Variants in ERCC6 observed in about 807,000 individuals in gnomAD.
ERCC6 encodes DNA excision repair protein ERCC-6.
In ERCC6, 116 loss-of-function variants were observed where a neutral mutation model predicts 158.7. That is an observed-to-expected ratio of 0.73 (90% confidence interval 0.63 to 0.85). ERCC6 has a LOEUF of 0.85. Among genes scored for constraint, ERCC6 ranks in the 40% least tolerant of loss-of-function variants. The probability of loss-of-function intolerance (pLI) is 0.00; values close to 1 mark genes in which losing one functional copy is unlikely to be tolerated. For synonymous variants in ERCC6, 678 were observed against 659.3 expected (o/e 1.03, Z -0.43); for missense variants, 1,698 against 1,799.4 (o/e 0.94, Z 1.02).
In ERCC6 at chr10:49,478,478, A is replaced by T. The variant is rs1850917640; in HGVS notation, c.2170-8T>A. The T allele has an allele frequency of 6.7e-7, 1 of 1,498,316 alleles. No homozygotes were observed. Among genetic ancestry groups the T allele is most frequent in the Non-Finnish European group, 9.3e-7 (1 of 1,075,876 alleles). The allele number at this position is 1,498,316 out of a possible 1,614,324, so 92.8% of individuals were successfully genotyped here. On this transcript the variant is annotated splice_region_variant and splice_polypyrimidine_tract_variant and intron_variant, in intron 10 of 20. Transcript: ENST00000355832. ...CTTGTAAGCAGTTTTGACCTTTAAT[A>T]AGAGCAGAGAAGGGAACATTACTAT...
the ERCC6 span, among the ~76,000 whole-genome samples, chr10:49,440,439 G>A: frequency 6.6e-6 from 1 of 152,276 alleles, no homozygotes; most frequent in South Asian, 2.1e-4. Flanking sequence ...ACAACACATG[G>A]AAATTCTGGG....
At chr10:49,480,911 A>G (rs923315380) in intron 10 of ERCC6, among the ~76,000 whole-genome samples, 1 of 152,246 alleles carries the variant, frequency 6.6e-6, no homozygotes, top group African/African-American at 2.4e-5. Context: ...AGGGCAAAGA[A>G]ACAGTCCCAG....
chr10:49,468,580 C>T (rs952387923), intron 18 of ERCC6, among the ~76,000 whole-genome samples: 3 of 152,210 alleles, frequency 2.0e-5, no homozygotes, highest in Non-Finnish European at 4.4e-5. Context: ...GACATAGAGA[C>T]AGGTGTATCT....
chr10:49,532,443 AC>A, intron 2 of ERCC6, 99 bp downstream of exon 2: 1 of 1,567,232 alleles, frequency 6.4e-7, no homozygotes, highest in East Asian at 2.3e-5. Context: ...AAGGTTCTAC[AC>A]ATCTCCTAAA....
At chr10:49,530,594 T>C in intron 3 of ERCC6, 126 bp downstream of exon 3, 1 of 1,451,654 alleles carries the variant, frequency 6.9e-7, no homozygotes, top group Non-Finnish European at 9.2e-7. Context: ...AACCCAAAAT[T>C]TCTCTATTGT....
At chr10:49,531,254 CA>C (rs1255790231) in intron 2 of ERCC6, among the ~76,000 whole-genome samples, 2 of 152,178 alleles carry the variant, frequency 1.3e-5, no homozygotes, top group Admixed American at 6.5e-5. Context: ...TATGCTTAAA[CA>C]TTTTTTTATA....
chr10:49,442,676 G>A, the ERCC6 span, among the ~76,000 whole-genome samples: 2 of 152,182 alleles, frequency 1.3e-5, no homozygotes, highest in Non-Finnish European at 2.9e-5. Flanking sequence ...ACTGTGCTTG[G>A]TTGACCATGC....
chr10:49,528,760 T>C (rs1299278514), intron 3 of ERCC6, among the ~76,000 whole-genome samples: 9 of 152,138 alleles, frequency 5.9e-5, no homozygotes, highest in Admixed American at 3.9e-4. Context: ...TGCACCCCCA[T>C]GCTCTCCTGA....
Position 49,461,337 on chromosome 10 carries a change from G to A in ERCC6, c.3983+15C>T, listed in dbSNP as rs1399817122. On this transcript the variant is annotated intron_variant, in intron 19 of 20. Transcript: ENST00000355832. ...TTTGGACTCCTTGCAAGTATGGCAT[G>A]CAGCAATCTCTTACTTTTTTCCTGC... is the stretch of plus-strand genomic sequence containing the variant. 1 of 1,611,318 alleles carries A rather than the reference G, an allele frequency of 6.2e-7. No individual in the cohort carries two copies. The highest frequency in any genetic ancestry group is 1.7e-5 in the Admixed American group (1 of 60,000).
intron 6 of ERCC6, chr10:49,505,142 GC>G (rs1191433941): frequency 2.6e-5 from 4 of 152,214 alleles, no homozygotes; most frequent in African/African-American, 9.6e-5. Context: ...CATCTAAGAA[GC>G]CTTCCTAAAG....
rs775274710 is a variant in ERCC6 at position 49,530,849 on chromosome 10, T to G, written c.423-9A>C. 1.6e-5 allele frequency: 25 copies of G among 1,612,570 alleles called. No individual in the cohort carries two copies. Among genetic ancestry groups the G allele is most frequent in the Non-Finnish European group, 2.1e-5 (25 of 1,179,480 alleles). The stretch of plus-strand genomic sequence containing the variant: ...GGGATGTCGTACATGACCTGAAAAA[T>G]AAGATAAATTGTCTATTTTGCACTC... On this transcript the variant is annotated splice_polypyrimidine_tract_variant and intron_variant, in intron 2 of 20. Transcript: ENST00000355832.
At chr10:49,508,291 CTTTA>C (rs1220189009) in intron 5 of ERCC6, among the ~76,000 whole-genome samples, 2 of 152,144 alleles carry the variant, frequency 1.3e-5, no homozygotes, top group African/African-American at 4.8e-5. Flanking sequence ...ACTTTTTAAA[CTTTA>C]TTGATATATG....
intron 5 of ERCC6, among the ~76,000 whole-genome samples, chr10:49,506,639 T>C (rs1658772277): frequency 1.3e-5 from 2 of 152,160 alleles, no homozygotes; most frequent in Admixed American, 1.3e-4. Context: ...AGTAATATGA[T>C]ACTTTCAGAT....
rs754891486 is a variant in ERCC6, at chr10:49,478,379, A to G, written c.2261T>C (p.Leu754Pro). Residue 754 changes from leucine (L) to proline (P), a missense_variant, in exon 11 of 21, where the codon CTT (leucine) becomes CCT (proline). Physicochemically the swap from Leu to Pro is moderately conservative, Grantham distance 98 (BLOSUM62 -3). Transcript: ENST00000355832. ...RRMKSDVKMS[L>P]SLPDKNEQVL... The stretch of plus-strand genomic sequence containing the variant: ...CTGTTCATTTTTATCTGGCAAAGAA[A>G]GGCTCATCTTGACATCTGACTTCAT... The G allele has an allele frequency of 3.1e-5, 50 of 1,613,060 alleles. No homozygotes were observed. The South Asian group carries it at 5.1e-4, about 16-fold the overall frequency.
At chr10:49,466,700 C>T (rs572761027) in intron 18 of ERCC6, among the ~76,000 whole-genome samples, 14 of 152,318 alleles carry the variant, frequency 9.2e-5, no homozygotes, top group Non-Finnish European at 1.9e-4. Flanking sequence ...TTTATGCAAA[C>T]GGCATCAGAG....
intron 5 of ERCC6, among the ~76,000 whole-genome samples, chr10:49,518,628 C>T (rs1837057102): frequency 6.6e-6 from 1 of 152,078 alleles, no homozygotes; most frequent in African/African-American, 2.4e-5. Flanking sequence ...GTTCCAAATC[C>T]ACAAGACTCT....
chr10:49,523,016 C>T (rs1420039782), intron 5 of ERCC6, among the ~76,000 whole-genome samples: 1 of 152,100 alleles, frequency 6.6e-6, no homozygotes, highest in Non-Finnish European at 1.5e-5. Flanking sequence ...AGTGTCTGGA[C>T]GGGGGTTAAT....
intron 5 of ERCC6, among the ~76,000 whole-genome samples, chr10:49,508,966 C>T (rs1177248769): frequency 6.6e-6 from 1 of 152,142 alleles, no homozygotes; most frequent in Non-Finnish European, 1.5e-5. Context: ...GCTGAGTAGT[C>T]TGTCTGGCCA....
At chr10:49,449,116 C>A in the ERCC6 span, among the ~76,000 whole-genome samples, 1 of 152,226 alleles carries the variant, frequency 6.6e-6, no homozygotes, top group Non-Finnish European at 1.5e-5. Flanking sequence ...GGCTTCCAAT[C>A]TCTCTACAAT....
Sources: gnomAD v4.1 joint callset for allele counts (sites outside exome capture counted in the v4.1 genomes callset) on GRCh38, gnomAD v4.1.1 for gene constraint, MANE v1.5 for transcripts, NCBI Gene and HGNC (gene_info 2026-07-23, HGNC 2026-07-21) for gene names.